ALMS1: variants seen among roughly 807,000 people sequenced by gnomAD.
The protein encoded by ALMS1 is ALMS1 centrosome and basal body associated protein, also known as centrosome-associated protein ALMS1.
A neutral mutation model predicts 352.2 loss-of-function variants in ALMS1; 271 were observed. The observed-to-expected ratio is 0.77, with a 90% CI of 0.70 to 0.85. The LOEUF (loss-of-function observed/expected upper bound fraction) is 0.85, where lower values mean the gene tolerates loss of function less well. Among genes scored for constraint, ALMS1 ranks in the 40% least tolerant of loss-of-function variants. The probability of loss-of-function intolerance (pLI) is 0.00; values close to 1 mark genes in which losing one functional copy is unlikely to be tolerated. For synonymous variants in ALMS1, 1,865 were observed against 1,761.2 expected (o/e 1.06, Z -1.48); for missense variants, 5,445 against 4,870.7 (o/e 1.12, Z -3.51).
At chr2:73,535,295 C>T (rs561338965) in intron 12 of ALMS1, among the ~76,000 whole-genome samples, 1 of 151,980 alleles carries the variant, frequency 6.6e-6, no homozygotes, top group South Asian at 2.1e-4. Flanking sequence ...TTTCAAATAG[C>T]AACTAAGGAA....
chr2:73,396,117 A>G (rs1670755064), intron 1 of ALMS1, among the ~76,000 whole-genome samples: 1 of 152,158 alleles, frequency 6.6e-6, no homozygotes, highest in Non-Finnish European at 1.5e-5. Context: ...GTGGGTTTTT[A>G]ATAGATGCCC....
rs757876578 is a variant in ALMS1 at position 73,449,828 on chromosome 2, G to C, written c.3301G>C (p.Glu1101Gln). The change falls in exon 8 of 23, where the codon GAG becomes CAG. Residue 1101 changes from glutamate to glutamine, a missense_variant. Glu to Gln is a conservative substitution (Grantham distance 29, BLOSUM62 2). Coordinates refer to ENST00000613296, the MANE Select transcript of ALMS1 (RefSeq NM_001378454.1). ...ACCGTCTACTTTCTACTCACAAAGA[G>C]AGAAGCCTGGTATTTTCTACCAACA... The part of the protein sequence containing the change: ...AVPSTFYSQR[E>Q]KPGIFYQQTL... The C allele has an allele frequency of 1.2e-6, 2 of 1,614,102 alleles. No homozygotes were observed. Among genetic ancestry groups the C allele is most frequent in the Admixed American group, 3.3e-5 (2 of 60,008 alleles).
At chr2:73,533,328 T>C (rs1183342918) in intron 11 of ALMS1, among the ~76,000 whole-genome samples, 1 of 152,196 alleles carries the variant, frequency 6.6e-6, no homozygotes, top group Non-Finnish European at 1.5e-5. Context: ...TAGGCTATGG[T>C]ATATGCTATT....
intron 9 of ALMS1, among the ~76,000 whole-genome samples, chr2:73,455,945 A>G (rs1302914579): frequency 2.0e-5 from 3 of 152,208 alleles, no homozygotes; most frequent in Admixed American, 2.0e-4. Context: ...TAAATACTTG[A>G]GTACACAGCT....
intron 10 of ALMS1, among the ~76,000 whole-genome samples, chr2:73,508,457 G>A (rs1436309380): frequency 6.6e-6 from 1 of 151,774 alleles, no homozygotes; most frequent in African/African-American, 2.4e-5. Flanking sequence ...CACCCGCCTC[G>A]GCCTCCCAAA....
intron 11 of ALMS1, among the ~76,000 whole-genome samples, chr2:73,528,467 A>G (rs765309499): frequency 1.8e-4 from 28 of 152,192 alleles, no homozygotes; most frequent in Non-Finnish European, 3.5e-4. Flanking sequence ...CCTCTTTATC[A>G]TTATATAATG....
intron 8 of ALMS1, chr2:73,454,366 A>T: frequency 1.0e-6 from 1 of 985,340 alleles, no homozygotes. Context: ...GATGTATGAC[A>T]GAGAGTAAAG....
At position 73,454,058 on chromosome 2, in the gene ALMS1, C is replaced by T. The variant is rs1315351235; in HGVS notation, c.7531C>T (p.Arg2511Ter). 5 of 1,609,778 alleles carry T rather than the reference C, an allele frequency of 3.1e-6. No homozygotes were observed. Among genetic ancestry groups the T allele is most frequent in the Admixed American group, 1.7e-5 (1 of 59,614 alleles). Reference sequence around the variant, plus strand: ...TGCAGAGGAAGAGGAAAGCCGGGTACGAGCACATGGTAAGAAGAAAGTTTC... The same window carrying T: ...TGCAGAGGAAGAGGAAAGCCGGGTATGAGCACATGGTAAGAAGAAAGTTTC... ...RNAEEEESRV[R>*]AHAWNMKFNL... The change falls in exon 8 of 23, where the codon CGA (arginine) becomes TGA (stop). Residue 2511 changes from arginine (R) to a stop codon, truncating the protein, a stop_gained. Coordinates refer to ENST00000613296, the MANE Select transcript of ALMS1 (RefSeq NM_001378454.1). LOFTEE classifies it high-confidence loss of function.
At chr2:73,484,233 A>G (rs1048717831) in intron 9 of ALMS1, among the ~76,000 whole-genome samples, 2 of 151,638 alleles carry the variant, frequency 1.3e-5, no homozygotes, top group African/African-American at 4.9e-5. Context: ...TTCCATGTTT[A>G]GTGCTTCCTT....
At chr2:73,507,827 T>G (rs1351013439) in intron 10 of ALMS1, among the ~76,000 whole-genome samples, 1 of 152,186 alleles carries the variant, frequency 6.6e-6, no homozygotes, top group Non-Finnish European at 1.5e-5. Flanking sequence ...AGCTTTTGAA[T>G]TTGTTTGCCC....
chr2:73,519,294 T>C (rs924798828), intron 10 of ALMS1, among the ~76,000 whole-genome samples: 3 of 152,158 alleles, frequency 2.0e-5, no homozygotes, highest in African/African-American at 7.2e-5. Flanking sequence ...TATTTATGTG[T>C]TCAATTATTT....
At chr2:73,430,913 A>G (rs931509699) in intron 6 of ALMS1, among the ~76,000 whole-genome samples, 2 of 151,956 alleles carry the variant, frequency 1.3e-5, no homozygotes, top group Non-Finnish European at 2.9e-5. Flanking sequence ...ATATATATTT[A>G]TGTGTATGTA....
In ALMS1 at chr2:73,563,737, A is replaced by AT. The variant is rs1393929804; in HGVS notation, c.10384+4595_10384+4596insT. 6.0e-4 allele frequency among the ~76,000 whole-genome samples: 77 copies of AT among 129,338 alleles called. 1 individual carries two copies. The highest frequency in any genetic ancestry group is 2.0e-3 in the African/African-American group (61 of 30,296). 84.9% of individuals were successfully genotyped at this position (129,338 alleles called of 152,430 possible). A position where few individuals can be genotyped will look rare whatever the true frequency, so the allele number is the denominator to read the frequency against. The stretch of plus-strand genomic sequence containing the variant: ...GACTCCATCTCAAAAAAAAAAAAAA[A>AT]AAATAAAAATAAAAAATGAAGGTAT... On this transcript the variant is annotated intron_variant, in intron 15 of 22. Coordinates refer to ENST00000613296, the MANE Select transcript of ALMS1 (RefSeq NM_001378454.1).
intron 11 of ALMS1, among the ~76,000 whole-genome samples, chr2:73,522,033 TCTCCAGTG>T (rs1673691616): frequency 6.7e-6 from 1 of 149,874 alleles, no homozygotes; most frequent in Non-Finnish European, 1.5e-5. Flanking sequence ...CCTCTACCCC[TCTCCAGTG>T]CTTTTTTCCT....
intron 7 of ALMS1, among the ~76,000 whole-genome samples, chr2:73,440,498 A>C (rs1308225679): frequency 6.6e-6 from 1 of 151,048 alleles, no homozygotes; most frequent in Admixed American, 6.6e-5. Context: ...CTCTCGGCTC[A>C]CTGAAACCTC....
chr2:73,450,300 C>G lies in ALMS1; in HGVS notation c.3773C>G (p.Pro1258Arg). 1 of 1,612,294 alleles carries G rather than the reference C, an allele frequency of 6.2e-7. No individual in the cohort carries two copies. Among genetic ancestry groups the G allele is most frequent in the Non-Finnish European group, 8.5e-7 (1 of 1,179,444 alleles). Residue 1258 changes from proline (P) to arginine (R), a missense_variant, in exon 8 of 23, where the codon CCA becomes CGA. By Grantham distance (103) the Pro-to-Arg change is moderately radical. Coordinates refer to ENST00000613296, the MANE Select transcript of ALMS1 (RefSeq NM_001378454.1). ...CAACAGGTCTTGCCAGATAATCATC[C>G]AACTGAAGAGGCTCTGAAAATTTCA... ...FYQQVLPDNH[P>R]TEEALKISVA...
chr2:73,574,903 C>A (rs1675020840), intron 16 of ALMS1, among the ~76,000 whole-genome samples: 1 of 152,118 alleles, frequency 6.6e-6, no homozygotes, highest in South Asian at 2.1e-4. Context: ...AAACCCTGTA[C>A]CCATTAAGCA....
At chr2:73,464,966 A>G (rs1428394190) in intron 9 of ALMS1, among the ~76,000 whole-genome samples, 1 of 151,604 alleles carries the variant, frequency 6.6e-6, no homozygotes, top group Non-Finnish European at 1.5e-5. Flanking sequence ...AAATGGAAGA[A>G]CATTCCATGC....
intron 10 of ALMS1, 41 bp from the exon 11 acceptor site, chr2:73,519,734 C>G: frequency 6.2e-7 from 1 of 1,612,550 alleles, no homozygotes; most frequent in Non-Finnish European, 8.5e-7. Flanking sequence ...CTCTAATGGC[C>G]AAGGATATAA....
Sources: allele counts gnomAD v4.1 joint callset (sites outside exome capture counted in the v4.1 genomes callset), GRCh38; gene constraint gnomAD v4.1.1; transcripts MANE v1.5; gene names NCBI Gene and HGNC (gene_info 2026-07-23, HGNC 2026-07-21).